Variants in PCDHGA12 observed in about 807,000 individuals in gnomAD.
The protein encoded by PCDHGA12 is protocadherin gamma subfamily A, 12, also known as protocadherin gamma-A12.
A neutral mutation model predicts 61.1 loss-of-function variants in PCDHGA12; 43 were observed. The ratio of observed to expected loss-of-function variants is 0.70; its 90% confidence interval spans 0.55 to 0.91. The LOEUF is 0.91. PCDHGA12 is among the 40% of genes least tolerant of loss of function. The pLI is 0.00. For missense variants in PCDHGA12, 1,236 were observed against 1,227.7 expected (o/e 1.01, Z -0.10); for synonymous variants, 520 against 542.9 (o/e 0.96, Z 0.59).
chr5:141,441,737 C>T lies in PCDHGA12; in HGVS notation c.2424+8554C>T, dbSNP rs2098268916. 5 of 365,122 alleles carry T rather than the reference C, an allele frequency of 1.4e-5. 1 individual carries two copies. The highest frequency in any genetic ancestry group is 1.1e-4 in the South Asian group (5 of 46,286). 22.6% of individuals were successfully genotyped at this position (365,122 alleles called of 1,614,324 possible). ...TGCAGGCCCGCGACCAGGACTAGCT[C>T]GCGCTCGGCGTCAACGTGAGCCTGC... On this transcript the variant is annotated intron_variant, in intron 1 of 3. Transcript: ENST00000252085.
In PCDHGA12 at chr5:141,485,632, G is replaced by A. The variant is rs1335265010; in HGVS notation, c.2425-9175G>A. On this transcript the variant is annotated intron_variant, in intron 1 of 3. Transcript: ENST00000252085. This position sits in a 1 kb window ranked among gnomAD's most constrained non-coding sequence, Gnocchi z 5.7. ...CAGCTCCTCCAGGACAGCGTTTCCCGTTGGAAAAGGCTCAGGATGCAGATG... is the reference window on the plus strand; with the variant it reads ...CAGCTCCTCCAGGACAGCGTTTCCCATTGGAAAAGGCTCAGGATGCAGATG... 1.2e-6 allele frequency: 2 copies of A among 1,611,766 alleles called. No homozygotes were observed. The highest frequency in any genetic ancestry group is 1.7e-6 in the Non-Finnish European group (2 of 1,178,342).
rs917165100 is a variant in PCDHGA12, at chr5:141,442,878, C to T, written c.2424+9695C>T. Among the ~76,000 whole-genome samples, 6 of 152,178 alleles carry T rather than the reference C, an allele frequency of 3.9e-5. No homozygotes were observed. In the South Asian group the frequency reaches 8.3e-4, roughly 21 times the overall value. The stretch of plus-strand genomic sequence containing the variant: ...GTATGAGAGATGTAAATTTACAACT[C>T]AGAATCCCTGCTTATCACTTCTCCT... On this transcript the variant is annotated intron_variant, in intron 1 of 3. Coordinates refer to ENST00000252085, the MANE Select transcript of PCDHGA12 (RefSeq NM_003735.3).
chr5:141,431,991 A>T lies in PCDHGA12; in HGVS notation c.1232A>T (p.Asp411Val), dbSNP rs1046547219. The change falls in exon 1 of 4, where the codon GAT (aspartate) becomes GTT (valine). Residue 411 changes from aspartate to valine, a missense_variant. Asp to Val is a radical substitution (Grantham distance 152). Transcript: ENST00000252085. The surrounding 1 kb of genome is among the most constrained non-coding windows in gnomAD (Gnocchi z 4.8). ...AGTTTAGTCACAGACATAGTCTTGG[A>T]TAGGGAACAGGTTCCTAGCTACAAC... is the stretch of plus-strand genomic sequence containing the variant. ...YYSLVTDIVL[D>V]REQVPSYNIT... 5 of 1,614,100 alleles carry T rather than the reference A, an allele frequency of 3.1e-6. No individual in the cohort carries two copies. Among genetic ancestry groups the T allele is most frequent in the Non-Finnish European group, 3.4e-6 (4 of 1,180,050 alleles).
chr5:141,492,395 C>G (rs2099740183), intron 1 of PCDHGA12, among the ~76,000 whole-genome samples: 1 of 152,242 alleles, frequency 6.6e-6, no homozygotes, highest in African/African-American at 2.4e-5. Flanking sequence ...GGTCCACTCG[C>G]AGCTCCCCTC....
At position 141,431,307 on chromosome 5, in the gene PCDHGA12, A is replaced by G. The variant is rs1332508283; in HGVS notation, c.548A>G (p.Gln183Arg). Residue 183 changes from glutamine (Q) to arginine (R), a missense_variant, in exon 1 of 4, where the codon CAA becomes CGA. By Grantham distance (43) the Gln-to-Arg change is conservative (BLOSUM62 1). Transcript: ENST00000252085. This position sits in a 1 kb window ranked among gnomAD's most constrained non-coding sequence, Gnocchi z 4.8. ...AACACTCACTTCTCCCTCATCGTGC[A>G]AAATGGAGCCGACGGTAGTAAGTAC... ...SPNTHFSLIV[Q>R]NGADGSKYPE... 3.7e-6 allele frequency: 6 copies of G among 1,614,002 alleles called. No homozygotes were observed. The African/African-American group carries it at 4.0e-5, about 11-fold the overall frequency.
In PCDHGA12 at chr5:141,430,950, T is replaced by C. The variant is rs756423770; in HGVS notation, c.191T>C (p.Val64Ala). The C allele has an allele frequency of 3.1e-6, 5 of 1,609,980 alleles. No homozygotes were observed. Among genetic ancestry groups the C allele is most frequent in the East Asian group, 2.2e-5 (1 of 44,838 alleles). The change falls in exon 1 of 4, where the codon GTC becomes GCC. Residue 64 changes from valine to alanine, a missense_variant. Val to Ala is a moderately conservative substitution (Grantham distance 64, BLOSUM62 0). Transcript: ENST00000252085. ...CCCCGGGAGCTCGCGGAGCGCGGAGTCCGCATCATCCCCAGAGGTAGGACG... is the reference window on the plus strand; with the variant it reads ...CCCCGGGAGCTCGCGGAGCGCGGAGCCCGCATCATCCCCAGAGGTAGGACG... ...LEPRELAERGVRIIPRGRTQL... is the reference protein window; with the variant it reads ...LEPRELAERGARIIPRGRTQL...
intron 1 of PCDHGA12, among the ~76,000 whole-genome samples, chr5:141,468,759 G>A (rs1202810666): frequency 3.9e-5 from 6 of 151,990 alleles, no homozygotes; most frequent in Admixed American, 2.0e-4. Context: ...CCAGCTACTC[G>A]GGAGGCTGAG....
chr5:141,505,418 A>T lies in PCDHGA12; in HGVS notation c.2509A>T (p.Thr837Ser). 1 of 1,614,186 alleles carries T rather than the reference A, an allele frequency of 6.2e-7. No homozygotes were observed. Among genetic ancestry groups the T allele is most frequent in the East Asian group, 2.2e-5 (1 of 44,876 alleles). The change falls in exon 3 of 4, where the codon ACC becomes TCC. Residue 837 changes from threonine to serine, a missense_variant. By Grantham distance (58) the Thr-to-Ser change is moderately conservative. Coordinates refer to ENST00000252085, the MANE Select transcript of PCDHGA12 (RefSeq NM_003735.3). ...SGSQNGDDTG[T>S]WPNNQFDTEM... ...CTCCCAAAATGGCGATGACACCGGC[A>T]CCTGGCCCAACAACCAGTTTGACAC...
Position 141,487,289 on chromosome 5 carries a change from G to A in PCDHGA12, c.2425-7518G>A. The A allele has an allele frequency of 1.2e-6, 2 of 1,614,096 alleles. No individual in the cohort carries two copies. The highest frequency in any genetic ancestry group is 1.7e-6 in the Non-Finnish European group (2 of 1,180,024). On this transcript the variant is annotated intron_variant, in intron 1 of 3. Coordinates refer to ENST00000252085, the MANE Select transcript of PCDHGA12 (RefSeq NM_003735.3). The surrounding 1 kb of genome is among the most constrained non-coding windows in gnomAD (Gnocchi z 5.0). ...AGTGGCAATTTGCTTTGTCTCCTTTGGCTCATTCGTGGCACTACTCTCTAA... is the reference window on the plus strand; with the variant it reads ...AGTGGCAATTTGCTTTGTCTCCTTTAGCTCATTCGTGGCACTACTCTCTAA...
In PCDHGA12 at chr5:141,472,879, G is replaced by A. The variant is rs541980402; in HGVS notation, c.2425-21928G>A. Among the ~76,000 whole-genome samples the A allele has an allele frequency of 3.3e-5, 5 of 151,694 alleles. No homozygotes were observed. The South Asian group carries it at 6.2e-4, about 19-fold the overall frequency. ...CACATGCCTGTATTCCCAGCTACTC[G>A]GGAGGCTGAGGCAGGAGAATTGCTT... On this transcript the variant is annotated intron_variant, in intron 1 of 3. Coordinates refer to ENST00000252085, the MANE Select transcript of PCDHGA12 (RefSeq NM_003735.3).
At chr5:141,481,524 A>G (rs186970700) in intron 1 of PCDHGA12, among the ~76,000 whole-genome samples, 4 of 152,240 alleles carry the variant, frequency 2.6e-5, no homozygotes, top group African/African-American at 9.6e-5. Flanking sequence ...CTCAGTAAAA[A>G]TCTAGAGATG....
intron 2 of PCDHGA12, among the ~76,000 whole-genome samples, chr5:141,503,598 C>CA (rs765754054): frequency 0.15 from 9,705 of 65,252 alleles, 922 homozygotes; most frequent in African/African-American, 0.34. Context: ...GACTCCAGCT[C>CA]AAAAAAAAAA....
chr5:141,475,098 C>G (rs1252108172), intron 1 of PCDHGA12, among the ~76,000 whole-genome samples: 1 of 152,108 alleles, frequency 6.6e-6, no homozygotes, highest in East Asian at 1.9e-4. Flanking sequence ...TTATAAAGAT[C>G]CTAGGTGGTA....
Position 141,476,110 on chromosome 5 carries a change from G to A in PCDHGA12, c.2425-18697G>A. ...GACCCCGCTGAGAGGAACTGCTTTT[G>A]AGTGAGATGGTCCCAGAGGCCTGGA... On this transcript the variant is annotated intron_variant, in intron 1 of 3. Transcript: ENST00000252085. The surrounding 1 kb of genome is among the most constrained non-coding windows in gnomAD (Gnocchi z 7.6). 1.9e-6 allele frequency: 3 copies of A among 1,589,382 alleles called. No homozygotes were observed. The highest frequency in any genetic ancestry group is 2.6e-6 in the Non-Finnish European group (3 of 1,170,364).
At chr5:141,496,329 C>T (rs1435070517) in intron 2 of PCDHGA12, among the ~76,000 whole-genome samples, 2 of 152,186 alleles carry the variant, frequency 1.3e-5, no homozygotes, top group South Asian at 4.1e-4. Context: ...AGTTAGAAGT[C>T]AGGAGCCTGG....
chr5:141,474,093 C>G (rs2099341169), intron 1 of PCDHGA12, among the ~76,000 whole-genome samples: 1 of 152,098 alleles, frequency 6.6e-6, no homozygotes, highest in African/African-American at 2.4e-5. Flanking sequence ...AAAAAACAAA[C>G]AACAACAAAA....
At chr5:141,464,279 C>CA (rs373828487) in intron 1 of PCDHGA12, among the ~76,000 whole-genome samples, 31,576 of 137,520 alleles carry the variant, frequency 0.23, 3,494 homozygotes, top group African/African-American at 0.28. Context: ...AAAAAAAAAG[C>CA]AAAAAAAAAA....
intron 1 of PCDHGA12, among the ~76,000 whole-genome samples, chr5:141,447,527 A>C (rs1278828003): frequency 6.6e-6 from 1 of 152,224 alleles, no homozygotes; most frequent in East Asian, 1.9e-4. Flanking sequence ...TCATAACAAA[A>C]TTGTTGGGTT....
chr5:141,452,525 G>A (rs1227647193), intron 1 of PCDHGA12, among the ~76,000 whole-genome samples: 3 of 152,126 alleles, frequency 2.0e-5, no homozygotes, highest in Admixed American at 6.5e-5. Flanking sequence ...CCTCAAAATC[G>A]TGAGTTCATA....
Sources: allele counts gnomAD v4.1 joint callset (sites outside exome capture counted in the v4.1 genomes callset), GRCh38; gene constraint gnomAD v4.1.1; non-coding constraint Gnocchi (gnomAD v3.1); transcripts MANE v1.5; gene names NCBI Gene and HGNC (gene_info 2026-07-23, HGNC 2026-07-21).